The following ADGRL3 variants were observed in gnomAD, a reference collection of about 807,000 sequenced individuals.
The protein encoded by ADGRL3 is calcium-independent alpha-latrotoxin receptor 3.
A neutral mutation model predicts 153.5 loss-of-function variants in ADGRL3; 62 were observed. The observed-to-expected ratio is 0.40, with a 90% CI of 0.33 to 0.50. The LOEUF (loss-of-function observed/expected upper bound fraction) is 0.50. Ranked by LOEUF, ADGRL3 falls within the 20% of genes least tolerant of loss-of-function variation. The pLI is 0.47. For synonymous variants in ADGRL3, 710 were observed against 672.5 expected (o/e 1.06, Z -0.86); for missense variants, 1,641 against 1,859.4 (o/e 0.88, Z 2.16).
intron 1 of ADGRL3, among the ~76,000 whole-genome samples, chr4:61,272,197 T>C (rs537557274): frequency 6.6e-6 from 1 of 152,168 alleles, no homozygotes; most frequent in Admixed American, 6.6e-5. Flanking sequence ...CAGTGCTCTG[T>C]AGTGCTTCTA....
At chr4:61,866,969 T>G (rs1031363767) in intron 9 of ADGRL3, among the ~76,000 whole-genome samples, 3 of 152,160 alleles carry the variant, frequency 2.0e-5, no homozygotes, top group South Asian at 2.1e-4. Context: ...GTAAAGATTA[T>G]GCACAGACCG....
At chr4:61,245,944 T>C (rs1158869992) in intron 1 of ADGRL3, among the ~76,000 whole-genome samples, 1 of 151,996 alleles carries the variant, frequency 6.6e-6, no homozygotes, top group Admixed American at 6.6e-5. Flanking sequence ...TTTTTCAGGC[T>C]ATAGGCTTCT....
At chr4:61,592,376 T>G (rs1478989555) in intron 5 of ADGRL3, among the ~76,000 whole-genome samples, 5 of 152,194 alleles carry the variant, frequency 3.3e-5, no homozygotes, top group African/African-American at 1.2e-4. Flanking sequence ...TTGTCTCGTA[T>G]TTCTCTTATA....
Position 62,031,472 on chromosome 4 carries a change from C to T in ADGRL3, c.3453C>T (p.Leu1151=), listed in dbSNP as rs530568083. Residue 1151 remains leucine (L), a synonymous_variant, in exon 23 of 27, where the codon CTC becomes CTT. Coordinates refer to ENST00000683033, the MANE Select transcript of ADGRL3 (RefSeq NM_001387552.1). The stretch of plus-strand genomic sequence containing the variant: ...GGGTTATAGGTGCAATAGCTCTTCT[C>T]TGCCTATTAGGATTGACCTGGGCCT... ...KSWVIGAIAL[L]CLLGLTWAFG... 3 of 1,610,400 alleles carry T rather than the reference C, an allele frequency of 1.9e-6. No homozygotes were observed. Among genetic ancestry groups the T allele is most frequent in the South Asian group, 2.2e-5 (2 of 90,886 alleles).
intron 5 of ADGRL3, among the ~76,000 whole-genome samples, chr4:61,623,074 T>A (rs1191700149): frequency 6.6e-6 from 1 of 152,112 alleles, no homozygotes; most frequent in East Asian, 1.9e-4. Flanking sequence ...AACTTTAAAG[T>A]GTTTGCCTTT....
At chr4:61,263,810 G>C (rs11931836) in intron 1 of ADGRL3, among the ~76,000 whole-genome samples, 6,227 of 151,934 alleles carry the variant, frequency 0.041, 412 homozygotes, top group African/African-American at 0.14. Context: ...TAAAGTAGAA[G>C]TGATTCATTG....
intron 1 of ADGRL3, among the ~76,000 whole-genome samples, chr4:61,381,559 G>T (rs1393306461): frequency 6.6e-6 from 1 of 151,878 alleles, no homozygotes; most frequent in African/African-American, 2.4e-5. Context: ...AGTGGGTTTG[G>T]TAGTATCAGG....
intron 1 of ADGRL3, among the ~76,000 whole-genome samples, chr4:61,234,809 G>A (rs1182506685): frequency 6.6e-6 from 1 of 152,148 alleles, no homozygotes; most frequent in Non-Finnish European, 1.5e-5. Context: ...GTAGTGGACA[G>A]CAGGTGTACA....
In ADGRL3 at chr4:62,071,366, T is replaced by C. The variant is rs1480737153; in HGVS notation, c.*458T>C. 6.0e-6 allele frequency: 1 copy of C among 166,214 alleles called. No homozygotes were observed. Among genetic ancestry groups the C allele is most frequent in the Non-Finnish European group, 1.3e-5 (1 of 76,580 alleles). 10.3% of individuals were successfully genotyped at this position (166,214 alleles called of 1,614,324 possible). On this transcript the variant is annotated 3_prime_UTR_variant, in exon 27 of 27. Transcript: ENST00000683033. ...AACATAAGAGCAAAGCAAAACTGTATCACATAGGGTTTTTGGTCACTCACA... is the reference window on the plus strand; with the variant it reads ...AACATAAGAGCAAAGCAAAACTGTACCACATAGGGTTTTTGGTCACTCACA...
intron 6 of ADGRL3, among the ~76,000 whole-genome samples, chr4:61,696,345 T>C (rs935710642): frequency 2.0e-5 from 3 of 152,170 alleles, no homozygotes; most frequent in African/African-American, 7.2e-5. Context: ...CAGGAACTGG[T>C]AAGTTACCTG....
intron 8 of ADGRL3, among the ~76,000 whole-genome samples, chr4:61,768,606 A>C (rs1176499563): frequency 2.6e-5 from 4 of 151,928 alleles, no homozygotes; most frequent in African/African-American, 9.7e-5. Flanking sequence ...ATTTGGAACT[A>C]CTCTTGAGTT....
At chr4:61,853,274 A>T (rs2149182542) in intron 9 of ADGRL3, among the ~76,000 whole-genome samples, 1 of 152,274 alleles carries the variant, frequency 6.6e-6, no homozygotes, top group African/African-American at 2.4e-5. Context: ...TATGAATAAC[A>T]AAAGACATTC....
intron 8 of ADGRL3, among the ~76,000 whole-genome samples, chr4:61,759,501 T>G (rs1251383334): frequency 2.0e-5 from 3 of 152,230 alleles, no homozygotes; most frequent in Non-Finnish European, 2.9e-5. Context: ...ATAGTTTTTG[T>G]GCCTTGGTTT....
intron 3 of ADGRL3, among the ~76,000 whole-genome samples, chr4:61,516,974 G>A (rs2098499822): frequency 6.6e-6 from 1 of 151,562 alleles, no homozygotes; most frequent in Non-Finnish European, 1.5e-5. Context: ...AGAGTGCTGT[G>A]AATCTATAAA....
At chr4:61,336,611 G>T (rs2095680779) in intron 1 of ADGRL3, among the ~76,000 whole-genome samples, 1 of 151,980 alleles carries the variant, frequency 6.6e-6, no homozygotes, top group Non-Finnish European at 1.5e-5. Context: ...GGTGGAAATA[G>T]GGCTCATTAC....
chr4:61,663,532 G>A (rs549207583), intron 5 of ADGRL3, among the ~76,000 whole-genome samples: 2 of 152,268 alleles, frequency 1.3e-5, no homozygotes, highest in South Asian at 2.1e-4. Context: ...TCACCACTCT[G>A]CGCCTGGCTC....
intron 5 of ADGRL3, among the ~76,000 whole-genome samples, chr4:61,593,539 AAGGAT>A (rs1303838466): frequency 2.0e-5 from 3 of 152,090 alleles, no homozygotes; most frequent in Admixed American, 6.6e-5. Context: ...TTCATGCTTA[AAGGAT>A]ATTTTCACTG....
At chr4:61,781,171 A>G (rs2152381107) in intron 8 of ADGRL3, among the ~76,000 whole-genome samples, 1 of 152,120 alleles carries the variant, frequency 6.6e-6, no homozygotes, top group African/African-American at 2.4e-5. Flanking sequence ...TACTAAAAAT[A>G]CAAAATTAGC....
intron 9 of ADGRL3, among the ~76,000 whole-genome samples, chr4:61,869,281 C>A (rs1424880459): frequency 3.3e-5 from 5 of 152,078 alleles, no homozygotes; most frequent in Non-Finnish European, 2.9e-5. Flanking sequence ...TACCAAGTTC[C>A]TATTATGTAG....
Sources: allele counts gnomAD v4.1 joint callset (sites outside exome capture counted in the v4.1 genomes callset), GRCh38; gene constraint gnomAD v4.1.1; transcripts MANE v1.5; gene names NCBI Gene and HGNC (gene_info 2026-07-23, HGNC 2026-07-21).